FRMPD2: variants seen among roughly 807,000 people sequenced by gnomAD.
FRMPD2 encodes FERM and PDZ domain containing 2.
FRMPD2 carries 96 observed loss-of-function variants against 140.1 expected under a neutral mutation model. The observed-to-expected ratio is 0.69, with a 90% CI of 0.58 to 0.81. FRMPD2 has a LOEUF of 0.81. Ranked by LOEUF, FRMPD2 falls within the 40% of genes least tolerant of loss-of-function variation. FRMPD2 has a pLI of 0.00. For missense variants in FRMPD2, 1,240 were observed against 1,447.4 expected (o/e 0.86, Z 2.32); for synonymous variants, 449 against 547.6 (o/e 0.82, Z 2.52).
intron 5 of FRMPD2, 102 bp from the exon 6 acceptor site, chr10:48,240,594 T>G: frequency 6.6e-7 from 1 of 1,509,022 alleles, no homozygotes; most frequent in African/African-American, 1.4e-5. Context: ...TGTGGAATTG[T>G]CTGCCCTATA....
chr10:48,246,686 C>T (rs984988924), intron 3 of FRMPD2, among the ~76,000 whole-genome samples: 1 of 152,218 alleles, frequency 6.6e-6, no homozygotes, highest in African/African-American at 2.4e-5. Context: ...TCTGGGTACA[C>T]CCTCCCAGCA....
In FRMPD2 at chr10:48,207,768, T is replaced by A. The variant is rs1245517863; in HGVS notation, c.1612-835A>T. Among the ~76,000 whole-genome samples the A allele has an allele frequency of 2.0e-5, 3 of 152,032 alleles. No individual in the cohort carries two copies. The East Asian group carries it at 5.8e-4, about 29-fold the overall frequency. ...GGCATTTGAAGCCCTCTCAGAAGGG[T>A]TGTATTGCTGAAATCTGGTATCCCA... On this transcript the variant is annotated intron_variant, in intron 13 of 28. Coordinates refer to ENST00000374201, the MANE Select transcript of FRMPD2 (RefSeq NM_001018071.4).
At chr10:48,209,295 T>C (rs1839267394) in intron 13 of FRMPD2, among the ~76,000 whole-genome samples, 1 of 152,176 alleles carries the variant, frequency 6.6e-6, no homozygotes, top group Non-Finnish European at 1.5e-5. Flanking sequence ...TGTGGGAAAA[T>C]GGCTCCATGG....
intron 10 of FRMPD2, among the ~76,000 whole-genome samples, chr10:48,224,078 C>T (rs1287976646): frequency 6.6e-6 from 1 of 152,174 alleles, no homozygotes; most frequent in Non-Finnish European, 1.5e-5. Context: ...GCCCTTTGAC[C>T]CAAGTGGTTC....
At chr10:48,205,760 A>G (rs1839186460) in intron 14 of FRMPD2, among the ~76,000 whole-genome samples, 1 of 152,182 alleles carries the variant, frequency 6.6e-6, no homozygotes, top group African/African-American at 2.4e-5. Flanking sequence ...ATTATTATTT[A>G]TTTTTAGATG....
chr10:48,220,272 G>T (rs963659833), intron 12 of FRMPD2, among the ~76,000 whole-genome samples: 5 of 152,090 alleles, frequency 3.3e-5, no homozygotes, highest in Non-Finnish European at 7.4e-5. Flanking sequence ...AGAAATCCCA[G>T]AAATAAAGCC....
chr10:48,222,694 G>A (rs1208108172), intron 11 of FRMPD2, among the ~76,000 whole-genome samples: 1 of 152,174 alleles, frequency 6.6e-6, no homozygotes, highest in Non-Finnish European at 1.5e-5. Flanking sequence ...GGTGTTTCTT[G>A]CTCTGGTTTG....
At chr10:48,184,532 C>G (rs931743) in intron 20 of FRMPD2, 34 bp downstream of exon 20, 776,371 of 1,311,910 alleles carry the variant, frequency 0.59, 233,128 homozygotes, top group African/African-American at 0.65. Context: ...AACAGGGGAG[C>G]CTCTTAAGCT....
At chr10:48,262,771 T>C (rs1489480613) in intron 1 of FRMPD2, among the ~76,000 whole-genome samples, 2 of 152,172 alleles carry the variant, frequency 1.3e-5, no homozygotes, top group Non-Finnish European at 1.5e-5. Context: ...TTTATTTATG[T>C]TTATTTATGT....
intron 8 of FRMPD2, 51 bp from the exon 9 acceptor site, chr10:48,236,604 T>G: frequency 6.4e-7 from 1 of 1,557,910 alleles, no homozygotes. Context: ...TTCCAGGCTT[T>G]GGGTCTGGGC....
intron 3 of FRMPD2, among the ~76,000 whole-genome samples, chr10:48,246,456 A>G (rs1840250540): frequency 6.6e-6 from 1 of 152,222 alleles, no homozygotes; most frequent in Non-Finnish European, 1.5e-5. Context: ...GCTGGTGAGA[A>G]GGATTTTGAA....
chr10:48,274,741 C>A, upstream of FRMPD2: 1 of 631,792 alleles, frequency 1.6e-6, no homozygotes, highest in Admixed American at 2.8e-5. Flanking sequence ...GTCAACAAGG[C>A]CCCTTCCCTT....
chr10:48,249,203 T>C (rs1840322330), intron 2 of FRMPD2, 25 bp from the exon 3 acceptor site: 1 of 1,608,814 alleles, frequency 6.2e-7, no homozygotes, highest in Non-Finnish European at 8.5e-7. Context: ...GTGATGGGGC[T>C]GTAGAGACAG....
Position 48,184,664 on chromosome 10 carries a change from A to G in FRMPD2, c.2486T>C (p.Leu829Pro), listed in dbSNP as rs763185866. 3 of 1,612,480 alleles carry G rather than the reference A, an allele frequency of 1.9e-6. No homozygotes were observed. The highest frequency in any genetic ancestry group is 2.5e-6 in the Non-Finnish European group (3 of 1,178,650). The change falls in exon 20 of 29, where the codon CTG (leucine) becomes CCG (proline). Residue 829 changes from leucine to proline, a missense_variant. Leu to Pro is a moderately conservative substitution (Grantham distance 98). Transcript: ENST00000374201. ...GAAGCCCTCCAGACTGATGTGATTCAGGGCTAGTATCTGCCCTCCTAGAAA... is the reference window on the plus strand; with the variant it reads ...GAAGCCCTCCAGACTGATGTGATTCGGGGCTAGTATCTGCCCTCCTAGAAA... ...TIKPGGQILA[L>P]NHISLEGFTF... is the part of the protein sequence containing the mutation.
At chr10:48,187,077 A>T in intron 17 of FRMPD2, 115 bp downstream of exon 17, 1 of 657,816 alleles carries the variant, frequency 1.5e-6, no homozygotes, top group Non-Finnish European at 2.6e-6. Flanking sequence ...TTCAAAAAAC[A>T]AGAAGGTTAC....
At chr10:48,181,884 T>TCAGACACA (rs1342570630) in intron 20 of FRMPD2, among the ~76,000 whole-genome samples, 3 of 13,462 alleles carry the variant, frequency 2.2e-4, no homozygotes, top group Non-Finnish European at 3.0e-4. Flanking sequence ...TATATGGCTC[T>TCAGACACA]CATACACACA....
At chr10:48,261,880 G>T (rs78222726) in intron 1 of FRMPD2, among the ~76,000 whole-genome samples, 1 of 152,068 alleles carries the variant, frequency 6.6e-6, no homozygotes, top group African/African-American at 2.4e-5. Flanking sequence ...TACTACACAT[G>T]AGCTATTTGA....
At chr10:48,236,900 C>T (rs1839979738) in intron 8 of FRMPD2, among the ~76,000 whole-genome samples, 1 of 152,036 alleles carries the variant, frequency 6.6e-6, no homozygotes, top group African/African-American at 2.4e-5. Flanking sequence ...AATAAAAATA[C>T]TTGAAAAAAC....
chr10:48,272,370 G>A (rs1840785543), intron 1 of FRMPD2, among the ~76,000 whole-genome samples: 1 of 152,096 alleles, frequency 6.6e-6, no homozygotes, highest in Admixed American at 6.6e-5. Context: ...ATTAAACACA[G>A]CCATTACCAA....
Sources: allele counts gnomAD v4.1 joint callset (sites outside exome capture counted in the v4.1 genomes callset), GRCh38; gene constraint gnomAD v4.1.1; transcripts MANE v1.5; gene names NCBI Gene and HGNC (gene_info 2026-07-23, HGNC 2026-07-21).